ANKRD27: variants seen among roughly 807,000 people sequenced by gnomAD.
The protein encoded by ANKRD27 is ankyrin repeat domain 27, also known as ankyrin repeat domain-containing protein 27.
A neutral mutation model predicts 129.7 loss-of-function variants in ANKRD27; 112 were observed. The ratio of observed to expected loss-of-function variants is 0.86; its 90% CI spans 0.74 to 1.01. The LOEUF is 1.01. ANKRD27 is among the 50% of genes least tolerant of loss of function. The pLI is 0.00. For synonymous variants in ANKRD27, 516 were observed against 511.2 expected, an observed-to-expected ratio of 1.01 and a Z score of -0.13; for missense variants, 1,258 against 1,300.5, an observed-to-expected ratio of 0.97 and a Z score of 0.50.
intron 19 of ANKRD27, 21 bp from the exon 20 acceptor site, chr19:32,619,400 C>A: frequency 1.2e-6 from 2 of 1,613,720 alleles, no homozygotes; most frequent in Non-Finnish European, 1.7e-6. Flanking sequence ...GGAGCCCCAA[C>A]GAGAGAGAGG....
At chr19:32,610,031 G>T (rs1971810675) in intron 22 of ANKRD27, among the ~76,000 whole-genome samples, 1 of 151,752 alleles carries the variant, frequency 6.6e-6, no homozygotes, top group Admixed American at 6.6e-5. Context: ...AAAAAAATAG[G>T]CCAGCAAGGT....
At chr19:32,664,932 A>AC (rs1967721061) in intron 1 of ANKRD27, among the ~76,000 whole-genome samples, 1 of 141,342 alleles carries the variant, frequency 7.1e-6, no homozygotes, top group South Asian at 2.3e-4. Flanking sequence ...AAAAAAAAAA[A>AC]AAAAAAACTG....
chr19:32,665,336 C>G (rs1255919541), intron 1 of ANKRD27, among the ~76,000 whole-genome samples: 1 of 149,300 alleles, frequency 6.7e-6, no homozygotes, highest in African/African-American at 2.5e-5. Flanking sequence ...CTCACCCACA[C>G]TAAAGTGCAG....
chr19:32,624,769 T>C (rs1972064853), intron 17 of ANKRD27, among the ~76,000 whole-genome samples: 1 of 150,868 alleles, frequency 6.6e-6, no homozygotes, highest in South Asian at 2.1e-4. Context: ...GGCGAAACCC[T>C]TTCTCTACAA....
At chr19:32,646,370 T>C in intron 4 of ANKRD27, 89 bp downstream of exon 4, 1 of 1,384,770 alleles carries the variant, frequency 7.2e-7, no homozygotes, top group Non-Finnish European at 9.9e-7. Context: ...TACCCGGCCT[T>C]GTTTAACCTT....
chr19:32,648,140 C>T (rs920766837), intron 3 of ANKRD27, among the ~76,000 whole-genome samples: 1 of 152,034 alleles, frequency 6.6e-6, no homozygotes, highest in Non-Finnish European at 1.5e-5. Flanking sequence ...GTGGCGAGTG[C>T]TTGCAGTCCC....
chr19:32,657,153 C>A (rs1967553598), intron 2 of ANKRD27, among the ~76,000 whole-genome samples: 1 of 151,948 alleles, frequency 6.6e-6, no homozygotes, highest in Non-Finnish European at 1.5e-5. Context: ...CACGGTGAAA[C>A]CCTGTCCCTA....
At chr19:32,607,873 T>C (rs779435435) in intron 22 of ANKRD27, 41 bp from the exon 23 acceptor site, 6 of 1,559,600 alleles carry the variant, frequency 3.8e-6, no homozygotes, top group Admixed American at 3.9e-5. Flanking sequence ...GTCATCAGTA[T>C]TGAAGAAACT....
chr19:32,667,389 C>T (rs1967780279), intron 1 of ANKRD27, among the ~76,000 whole-genome samples: 1 of 152,062 alleles, frequency 6.6e-6, no homozygotes, highest in South Asian at 2.1e-4. Context: ...TTTTTGTTTA[C>T]TTTTGTAGAA....
intron 3 of ANKRD27, among the ~76,000 whole-genome samples, chr19:32,647,816 G>A (rs1967331566): frequency 1.3e-5 from 2 of 152,222 alleles, no homozygotes; most frequent in Non-Finnish European, 1.5e-5. Flanking sequence ...AAGCCATGCA[G>A]GGAGTAGCAG....
chr19:32,613,865 C>T (rs1395613700), intron 22 of ANKRD27, among the ~76,000 whole-genome samples: 3 of 152,010 alleles, frequency 2.0e-5, no homozygotes, highest in African/African-American at 4.8e-5. Flanking sequence ...CCCGCCACCA[C>T]GCCCAGCTAA....
Position 32,607,812 on chromosome 19 carries a change from G to A in ANKRD27, c.2196C>T (p.Ala732=), listed in dbSNP as rs1233158004. ...PAQKRLAKVP[A]SGLGVNVTSQ... ...TGGTCACGTTCACACCAAGCCCACTGGCAGGAACCTTCGCCAGCCTCTGGG... is the reference window on the plus strand; with the variant it reads ...TGGTCACGTTCACACCAAGCCCACTAGCAGGAACCTTCGCCAGCCTCTGGG... The change falls in exon 23 of 29, where the codon GCC becomes GCT. Residue 732 remains alanine, a synonymous_variant. Transcript: ENST00000306065. 1 of 1,605,632 alleles carries A rather than the reference G, an allele frequency of 6.2e-7. No homozygotes were observed. Among genetic ancestry groups the A allele is most frequent in the South Asian group, 1.1e-5 (1 of 90,298 alleles).
At chr19:32,673,982 C>CAA (rs59398609) in intron 1 of ANKRD27, among the ~76,000 whole-genome samples, 50 of 110,950 alleles carry the variant, frequency 4.5e-4, no homozygotes, top group South Asian at 2.2e-3. Flanking sequence ...TCCATCTCTA[C>CAA]AAAAAAAAAA....
intron 1 of ANKRD27, among the ~76,000 whole-genome samples, chr19:32,659,487 C>G (rs191351126): frequency 6.6e-6 from 1 of 152,254 alleles, no homozygotes; most frequent in Admixed American, 6.5e-5. Flanking sequence ...CAAATACAAC[C>G]CACTAATTCC....
intron 12 of ANKRD27, chr19:32,638,839 C>T (rs1386181674): frequency 5.8e-6 from 1 of 172,814 alleles, no homozygotes; most frequent in Non-Finnish European, 1.2e-5. Flanking sequence ...TGCTCACATA[C>T]CCCTCGCCAC....
intron 1 of ANKRD27, among the ~76,000 whole-genome samples, chr19:32,672,038 C>T (rs1284569798): frequency 6.6e-6 from 1 of 152,158 alleles, no homozygotes; most frequent in Admixed American, 6.5e-5. Context: ...GGTCAAGAAC[C>T]GTCTGGTGAC....
At chr19:32,623,415 G>A (rs976447740) in intron 17 of ANKRD27, among the ~76,000 whole-genome samples, 7 of 152,074 alleles carry the variant, frequency 4.6e-5, no homozygotes, top group Non-Finnish European at 1.0e-4. Flanking sequence ...GTGCTTACAG[G>A]ACTAGCCTTC....
At chr19:32,626,674 G>T in intron 16 of ANKRD27, 38 bp downstream of exon 16, 1 of 1,503,800 alleles carries the variant, frequency 6.6e-7, no homozygotes. Flanking sequence ...GCTCACAGGA[G>T]CAAAGCGACA....
At chr19:32,631,082 G>A (rs1335195265) in intron 13 of ANKRD27, among the ~76,000 whole-genome samples, 1 of 151,942 alleles carries the variant, frequency 6.6e-6, no homozygotes, top group African/African-American at 2.4e-5. Context: ...GCAATGGCAT[G>A]ATCTCGGCTC....
Sources: gnomAD v4.1 joint callset for allele counts (sites outside exome capture counted in the v4.1 genomes callset) on GRCh38, gnomAD v4.1.1 for gene constraint, MANE v1.5 for transcripts, NCBI Gene and HGNC (gene_info 2026-07-23, HGNC 2026-07-21) for gene names.